Variants in RELN observed in about 807,000 individuals in gnomAD.
RELN encodes reelin.
A neutral mutation model predicts 427.6 loss-of-function variants in RELN; 108 were observed. That is an observed-to-expected ratio of 0.25 (90% CI 0.22 to 0.30). The LOEUF (loss-of-function observed/expected upper bound fraction) is 0.30. Among genes scored for constraint, RELN ranks in the 10% least tolerant of loss-of-function variants. The pLI is 1.00. For synonymous variants in RELN, 1,524 were observed against 1,513.4 expected, an observed-to-expected ratio of 1.01 and a Z score of -0.16; for missense variants, 3,715 against 4,302.8, an observed-to-expected ratio of 0.86 and a Z score of 3.82.
intron 2 of RELN, among the ~76,000 whole-genome samples, chr7:103,909,843 T>G (rs1795323309): frequency 7.8e-6 from 1 of 129,024 alleles, no homozygotes; most frequent in Non-Finnish European, 1.6e-5. Flanking sequence ...ATTTAATATA[T>G]ATATTTAAAT....
chr7:103,774,860 C>T (rs1350333948), intron 4 of RELN, among the ~76,000 whole-genome samples: 1 of 152,090 alleles, frequency 6.6e-6, no homozygotes, highest in Non-Finnish European at 1.5e-5. Context: ...TTCTTCTGGT[C>T]CTGGGCTGTA....
chr7:103,507,023 G>T (rs2906631), intron 51 of RELN, among the ~76,000 whole-genome samples: 5,584 of 152,256 alleles, frequency 0.037, 149 homozygotes, highest in African/African-American at 0.083. Flanking sequence ...AGAGGACCCA[G>T]ATTCATAAAG....
intron 46 of RELN, among the ~76,000 whole-genome samples, chr7:103,533,351 C>T (rs1829981354): frequency 6.6e-6 from 1 of 152,270 alleles, no homozygotes; most frequent in East Asian, 1.9e-4. Flanking sequence ...ACAGAGACAG[C>T]GATTTTAATT....
chr7:103,671,749 G>A (rs1251061916), intron 11 of RELN, among the ~76,000 whole-genome samples: 2 of 152,032 alleles, frequency 1.3e-5, no homozygotes, highest in Non-Finnish European at 2.9e-5. Context: ...AAGATAAACT[G>A]TCTGCACTTT....
chr7:103,601,710 C>T (rs1177160137), intron 24 of RELN, among the ~76,000 whole-genome samples: 3 of 152,010 alleles, frequency 2.0e-5, no homozygotes, highest in Non-Finnish European at 2.9e-5. Context: ...TATAAGGAGA[C>T]AGATTGGAAA....
chr7:103,923,415 T>G (rs10238716), intron 1 of RELN, among the ~76,000 whole-genome samples: 3,862 of 152,182 alleles, frequency 0.025, 158 homozygotes, highest in African/African-American at 0.088. Flanking sequence ...ATTTCAAAAA[T>G]TAAGTCAGGT....
chr7:103,510,623 A>C (rs1422695624), intron 51 of RELN, among the ~76,000 whole-genome samples: 2 of 152,336 alleles, frequency 1.3e-5, no homozygotes, highest in East Asian at 1.9e-4. Flanking sequence ...CAAAACTTAA[A>C]GTATAATAAA....
rs1830265807 is a variant in RELN, at chr7:103,545,227, C to T, written c.6420G>A (p.Gly2140=). 6.2e-7 allele frequency: 1 copy of T among 1,614,046 alleles called. No homozygotes were observed. Among genetic ancestry groups the T allele is most frequent in the East Asian group, 2.2e-5 (1 of 44,878 alleles). The change falls in exon 42 of 65, where the codon GGG becomes GGA. Residue 2140 remains glycine, a synonymous_variant. Transcript: ENST00000428762. ...TACATTTGGTTCCATTGATACAGCT[C>T]CCCTGTCCATTACACATCTCCTCAC... ...PQCEEMCNGQ[G]SCINGTKCIC...
rs566679532 is a variant in RELN, at chr7:103,822,086, T to C, written c.473+11451A>G. Among the ~76,000 whole-genome samples, 8 of 152,260 alleles carry C rather than the reference T, an allele frequency of 5.3e-5. No individual in the cohort carries two copies. In the South Asian group the frequency reaches 6.2e-4, roughly 12 times the overall value. On this transcript the variant is annotated intron_variant, in intron 3 of 64. Coordinates refer to ENST00000428762, the MANE Select transcript of RELN (RefSeq NM_005045.4). Reference sequence around the variant, plus strand: ...TGCTAAATAAAACATCAATATGCACTGATTTAATGTTAAATAGGTTATCTT... The same window carrying C: ...TGCTAAATAAAACATCAATATGCACCGATTTAATGTTAAATAGGTTATCTT...
chr7:103,629,832 TA>T, intron 20 of RELN, 107 bp downstream of exon 20: 1 of 815,858 alleles, frequency 1.2e-6, no homozygotes, highest in Non-Finnish European at 2.2e-6. Flanking sequence ...AGTTCCTATT[TA>T]GTAAATACTT....
chr7:103,596,710 G>A, intron 24 of RELN, 49 bp from the exon 25 acceptor site: 3 of 1,534,646 alleles, frequency 2.0e-6, no homozygotes, highest in Non-Finnish European at 2.7e-6. Context: ...GAGTTCTTTG[G>A]CATTTTGTTG....
At position 103,472,799 on chromosome 7, in the gene RELN, A is replaced by G; in HGVS notation, c.*13T>C. On this transcript the variant is annotated 3_prime_UTR_variant, in exon 65 of 65. Coordinates refer to ENST00000428762, the MANE Select transcript of RELN (RefSeq NM_005045.4). ...TCACATGTTGGAAGAAAAAAAATAA[A>G]CTTTTTGATTCTTCATGGGTATCGC... 2 of 1,599,716 alleles carry G rather than the reference A, an allele frequency of 1.3e-6. No individual in the cohort carries two copies. The highest frequency in any genetic ancestry group is 1.7e-6 in the Non-Finnish European group (2 of 1,166,960).
At chr7:103,670,832 TAA>T (rs1027570292) in intron 11 of RELN, among the ~76,000 whole-genome samples, 2 of 152,192 alleles carry the variant, frequency 1.3e-5, no homozygotes, top group African/African-American at 4.8e-5. Context: ...AATATTAGCA[TAA>T]AAGTCACTAA....
At chr7:103,849,602 C>T (rs1020864321) in intron 2 of RELN, among the ~76,000 whole-genome samples, 1 of 152,186 alleles carries the variant, frequency 6.6e-6, no homozygotes, top group Non-Finnish European at 1.5e-5. Flanking sequence ...AAACTTCATA[C>T]TCTGTCAAGA....
intron 11 of RELN, among the ~76,000 whole-genome samples, chr7:103,665,282 C>G (rs1295404475): frequency 6.6e-6 from 1 of 151,846 alleles, no homozygotes; most frequent in Non-Finnish European, 1.5e-5. Flanking sequence ...CTTTTTTCCT[C>G]CATTAGTCTA....
chr7:103,827,874 C>G (rs942493667), intron 3 of RELN, among the ~76,000 whole-genome samples: 1 of 151,968 alleles, frequency 6.6e-6, no homozygotes, highest in African/African-American at 2.4e-5. Flanking sequence ...AATAGCATAT[C>G]CAGTTTTATC....
chr7:103,492,458 C>T (rs1317836787), intron 57 of RELN, among the ~76,000 whole-genome samples: 2 of 152,158 alleles, frequency 1.3e-5, no homozygotes, highest in African/African-American at 4.8e-5. Context: ...AATATTCGTT[C>T]TTGGGGTTTT....
In RELN at chr7:103,561,682, A is replaced by G. The variant is rs772320097; in HGVS notation, c.5379T>C (p.Tyr1793=). 6.8e-6 allele frequency: 11 copies of G among 1,613,954 alleles called. No homozygotes were observed. Among genetic ancestry groups the G allele is most frequent in the Middle Eastern group, 1.6e-4 (1 of 6,084 alleles). ...AGGGCAGAGGAACAACAGGAACACA[A>G]TAGGGTCCACCAAAGCCCCGGTCAC... ...CVCDRGFGGP[Y]CVPVVPLPSI... Residue 1793 remains tyrosine (Y), a synonymous_variant, in exon 36 of 65, where the codon TAT becomes TAC. Coordinates refer to ENST00000428762, the MANE Select transcript of RELN (RefSeq NM_005045.4).
In RELN at chr7:103,553,723, T is replaced by C. The variant is rs987993419; in HGVS notation, c.5906A>G (p.Asn1969Ser). ...DTFDFGPRED[N>S]WFFYPGGNIG... ...GTTACCACCAGGATAGAAAAACCAA[T>C]TGTCTTCTCTGGGCCCAAAATCAAA... Residue 1969 changes from asparagine (N) to serine (S), a missense_variant, in exon 39 of 65, where the codon AAT (asparagine) becomes AGT (serine). Asn to Ser is a conservative substitution (Grantham distance 46). Around this residue, in one of 4 missense-constraint regions of RELN, gnomAD observed 1,310 missense variants for 1,643.0 expected, o/e 0.80. Transcript: ENST00000428762. 6.2e-7 allele frequency: 1 copy of C among 1,614,098 alleles called. No homozygotes were observed. The highest frequency in any genetic ancestry group is 8.5e-7 in the Non-Finnish European group (1 of 1,179,986).
Sources: allele counts gnomAD v4.1 joint callset (sites outside exome capture counted in the v4.1 genomes callset), GRCh38; gene constraint gnomAD v4.1.1; regional missense constraint gnomAD v4.1.1; transcripts MANE v1.5; gene names NCBI Gene and HGNC (gene_info 2026-07-23, HGNC 2026-07-21).